ATP8B4: variants seen among roughly 807,000 people sequenced by gnomAD.
ATP8B4 encodes ATPase phospholipid transporting 8B4 (putative).
In ATP8B4, 133 loss-of-function variants were observed where a neutral mutation model predicts 145.6. The observed-to-expected ratio is 0.91, with a 90% CI of 0.79 to 1.05. ATP8B4 has a LOEUF of 1.05. Among genes scored for constraint, ATP8B4 ranks in the 50% least tolerant of loss-of-function variants. ATP8B4 has a pLI of 0.00. For missense variants in ATP8B4, 1,458 were observed against 1,425.2 expected (o/e 1.02, Z -0.37); for synonymous variants, 507 against 492.9 (o/e 1.03, Z -0.38).
At chr15:50,064,211 T>G (rs2053223115) in intron 3 of ATP8B4, among the ~76,000 whole-genome samples, 1 of 152,130 alleles carries the variant, frequency 6.6e-6, no homozygotes, top group Admixed American at 6.6e-5. Context: ...TTCCCTAAAC[T>G]TTTGGACAAT....
At chr15:50,164,489 G>A (rs1485250464) in intron 1 of ATP8B4, among the ~76,000 whole-genome samples, 1 of 152,212 alleles carries the variant, frequency 6.6e-6, no homozygotes, top group East Asian at 1.9e-4. Context: ...CACTGTGGCT[G>A]AGCTGGTAAG....
intron 3 of ATP8B4, among the ~76,000 whole-genome samples, chr15:50,065,639 C>T (rs2053331424): frequency 6.6e-6 from 1 of 152,124 alleles, no homozygotes; most frequent in African/African-American, 2.4e-5. Flanking sequence ...GTAATCTTTT[C>T]ATTTCTCAAT....
chr15:49,978,701 G>A (rs1490460320), intron 12 of ATP8B4, among the ~76,000 whole-genome samples: 1 of 149,268 alleles, frequency 6.7e-6, no homozygotes, highest in Non-Finnish European at 1.5e-5. Flanking sequence ...AAATGTCCCA[G>A]GTACAGATTC....
chr15:49,896,042 C>G (rs2037360795), intron 23 of ATP8B4: 1 of 152,192 alleles, frequency 6.6e-6, no homozygotes, highest in South Asian at 2.1e-4. Flanking sequence ...TAGGAAGCCA[C>G]AGGCCACATT....
At position 49,996,767 on chromosome 15, in the gene ATP8B4, A is replaced by G; in HGVS notation, c.507-8T>C. 1 of 1,603,388 alleles carries G rather than the reference A, an allele frequency of 6.2e-7. No individual in the cohort carries two copies. The highest frequency in any genetic ancestry group is 1.3e-5 in the African/African-American group (1 of 74,838). ...ACTTTTAGGTTCGTTTCCCTGTGAA[A>G]TTATTGACATGACATGAATTTTTAT... On this transcript the variant is annotated splice_region_variant and splice_polypyrimidine_tract_variant and intron_variant, in intron 8 of 27. Transcript: ENST00000284509.
chr15:49,888,063 T>C lies in ATP8B4; in HGVS notation c.2698-8604A>G, dbSNP rs2036402235. Among the ~76,000 whole-genome samples the C allele has an allele frequency of 2.6e-5, 4 of 152,186 alleles. No homozygotes were observed. The South Asian group carries it at 8.3e-4, about 31-fold the overall frequency. On this transcript the variant is annotated intron_variant, in intron 23 of 27. Transcript: ENST00000284509. Reference sequence around the variant, plus strand: ...TTTTGGGGGCCTTAAAAAACATTTGTCATTTAAAGAAAACACATTGTGGAA... The same window carrying C: ...TTTTGGGGGCCTTAAAAAACATTTGCCATTTAAAGAAAACACATTGTGGAA...
At chr15:50,006,945 T>C (rs2048345988) in intron 7 of ATP8B4, among the ~76,000 whole-genome samples, 1 of 152,170 alleles carries the variant, frequency 6.6e-6, no homozygotes, top group Admixed American at 6.5e-5. Context: ...TCTAACAAAA[T>C]TTATTTGGTT....
intron 20 of ATP8B4, among the ~76,000 whole-genome samples, chr15:49,915,884 G>A (rs568108465): frequency 2.7e-5 from 4 of 147,952 alleles, no homozygotes; most frequent in East Asian, 3.9e-4. Context: ...TGGGAGATTC[G>A]TGTACAAGTA....
At chr15:50,004,249 C>A (rs930236771) in intron 7 of ATP8B4, among the ~76,000 whole-genome samples, 3 of 152,144 alleles carry the variant, frequency 2.0e-5, no homozygotes, top group Admixed American at 6.5e-5. Flanking sequence ...GAAGGCCCAG[C>A]GGGGCCGGGA....
chr15:50,014,491 T>C (rs1190017202), intron 6 of ATP8B4, among the ~76,000 whole-genome samples: 1 of 152,174 alleles, frequency 6.6e-6, no homozygotes, highest in Non-Finnish European at 1.5e-5. Context: ...CTAATAAGAA[T>C]TATAGCATCC....
intron 10 of ATP8B4, among the ~76,000 whole-genome samples, chr15:49,986,029 A>G (rs1343576495): frequency 6.6e-6 from 1 of 152,210 alleles, no homozygotes; most frequent in African/African-American, 2.4e-5. Flanking sequence ...TTTCTGTTAC[A>G]CTTCCTTGGA....
At chr15:50,156,908 A>C (rs2044428867) in intron 1 of ATP8B4, among the ~76,000 whole-genome samples, 3 of 152,198 alleles carry the variant, frequency 2.0e-5, no homozygotes, top group African/African-American at 7.2e-5. Flanking sequence ...AGCGGCTTTT[A>C]ATTAGCCATC....
At chr15:49,920,756 C>T (rs574737414) in intron 17 of ATP8B4, among the ~76,000 whole-genome samples, 5 of 152,180 alleles carry the variant, frequency 3.3e-5, no homozygotes, top group East Asian at 1.9e-4. Flanking sequence ...CTGTCCTTGA[C>T]GGAAGGAAGC....
intron 1 of ATP8B4, among the ~76,000 whole-genome samples, chr15:50,154,668 T>C (rs558504301): frequency 6.6e-6 from 1 of 152,260 alleles, no homozygotes; most frequent in South Asian, 2.1e-4. Context: ...AACAAACATA[T>C]TTATATTCAG....
intron 1 of ATP8B4, among the ~76,000 whole-genome samples, chr15:50,178,308 T>C (rs1221400286): frequency 6.6e-6 from 1 of 152,194 alleles, no homozygotes; most frequent in African/African-American, 2.4e-5. Context: ...AATCTCCATG[T>C]CTGAGATCTC....
chr15:49,958,341 T>C (rs1360032487), intron 14 of ATP8B4, among the ~76,000 whole-genome samples: 1 of 151,212 alleles, frequency 6.6e-6, no homozygotes, highest in Non-Finnish European at 1.5e-5. Flanking sequence ...TAAAAATAAA[T>C]AAATAAAGCA....
At chr15:49,943,373 A>G (rs778875896) in intron 14 of ATP8B4, among the ~76,000 whole-genome samples, 3 of 151,360 alleles carry the variant, frequency 2.0e-5, no homozygotes, top group Non-Finnish European at 4.4e-5. Flanking sequence ...CAAGAAGCCC[A>G]AAGATCACCA....
In ATP8B4 at chr15:49,897,369, A is replaced by T. The variant is rs74012834; in HGVS notation, c.2620T>A (p.Cys874Ser). The T allele has an allele frequency of 8.7e-6, 14 of 1,614,064 alleles. No homozygotes were observed. The South Asian group carries it at 1.4e-4, about 16-fold the overall frequency. Residue 874 changes from cysteine to serine, a missense_variant, in exon 23 of 28, where the codon TGC (cysteine) becomes AGC (serine). Coordinates refer to ENST00000284509, the MANE Select transcript of ATP8B4 (RefSeq NM_024837.4). ...GCAAAATTCTTATAGAAGAAATAGCATAAGAATTTGCACATTCGGAAATAA... is the reference window on the plus strand; with the variant it reads ...GCAAAATTCTTATAGAAGAAATAGCTTAAGAATTTGCACATTCGGAAATAA... ...WSYFRMCKFL[C>S]YFFYKNFAFT...
chr15:49,978,224 G>C (rs887858357), intron 12 of ATP8B4, among the ~76,000 whole-genome samples: 1 of 152,140 alleles, frequency 6.6e-6, no homozygotes, highest in Non-Finnish European at 1.5e-5. Flanking sequence ...AGGACATAAA[G>C]GAATGCTATA....
Sources: allele counts gnomAD v4.1 joint callset (sites outside exome capture counted in the v4.1 genomes callset), GRCh38; gene constraint gnomAD v4.1.1; transcripts MANE v1.5; gene names NCBI Gene and HGNC (gene_info 2026-07-23, HGNC 2026-07-21).